Variants in LPIN1 observed in about 807,000 individuals in gnomAD.
The protein encoded by LPIN1 is lipin 1, also known as phosphatidate phosphatase LPIN1.
A neutral mutation model predicts 107.5 loss-of-function variants in LPIN1; 71 were observed. That is an observed-to-expected ratio of 0.66 (90% confidence interval 0.55 to 0.80). LPIN1 has a LOEUF of 0.80. Among genes scored for constraint, LPIN1 ranks in the 30% least tolerant of loss-of-function variants. The pLI is 0.00. For synonymous variants in LPIN1, 445 were observed against 452.6 expected, an observed-to-expected ratio of 0.98 and a Z score of 0.21; for missense variants, 1,043 against 1,160.6, an observed-to-expected ratio of 0.90 and a Z score of 1.47.
chr2:11,713,876 T>C, intron 2 of LPIN1: 1 of 1,163,124 alleles, frequency 8.6e-7, no homozygotes, highest in South Asian at 1.3e-5. Flanking sequence ...GAGAAAATAC[T>C]CCATGTCCAG....
In LPIN1 at chr2:11,819,668, C is replaced by A. The variant is rs1573026282; in HGVS notation, c.2517+70C>A. The A allele has an allele frequency of 5.3e-6, 6 of 1,138,784 alleles. 1 individual carries two copies. The highest frequency in any genetic ancestry group is 2.3e-5 in the East Asian group (1 of 42,668). The allele number at this position is 1,138,784 out of a possible 1,614,324, so 70.5% of individuals were successfully genotyped here. ...TTTTCTGGTTGCTGTCATCTGAAAG[C>A]CCTATCCGAGAACCATATGTAGAGT... is the stretch of plus-strand genomic sequence containing the variant. On this transcript the variant is annotated intron_variant, in intron 19 of 20. Coordinates refer to ENST00000674199, the MANE Select transcript of LPIN1 (RefSeq NM_001349206.2).
At chr2:11,785,464 C>G (rs1173087615) in intron 10 of LPIN1, among the ~76,000 whole-genome samples, 1 of 152,158 alleles carries the variant, frequency 6.6e-6, no homozygotes, top group Non-Finnish European at 1.5e-5. Flanking sequence ...GGAACTTTTC[C>G]CAGCTGGATT....
At chr2:11,692,725 A>G (rs1385310832) in intron 1 of LPIN1, among the ~76,000 whole-genome samples, 1 of 152,220 alleles carries the variant, frequency 6.6e-6, no homozygotes, top group Non-Finnish European at 1.5e-5. Context: ...GGAGAAAACC[A>G]TAGGACAAAA....
At chr2:11,813,036 C>T (rs866361860) in intron 17 of LPIN1, among the ~76,000 whole-genome samples, 1 of 152,106 alleles carries the variant, frequency 6.6e-6, no homozygotes, top group Non-Finnish European at 1.5e-5. Context: ...TTGCTACTTG[C>T]AGTGCCACTT....
chr2:11,721,107 G>T (rs770865671), upstream of LPIN1, among the ~76,000 whole-genome samples: 2 of 152,124 alleles, frequency 1.3e-5, no homozygotes. Flanking sequence ...CCCCAGGGGA[G>T]GGAGAGGAGA....
At chr2:11,784,637 GCTT>G (rs1674177855) in intron 9 of LPIN1, 2 of 574,354 alleles carry the variant, frequency 3.5e-6, no homozygotes, top group Non-Finnish European at 3.1e-6. Flanking sequence ...AGGACAGCTT[GCTT>G]CTTCTTCAGT....
At chr2:11,683,354 G>C (rs1017952326) in intron 1 of LPIN1, 16 of 152,220 alleles carry the variant, frequency 1.1e-4, no homozygotes, top group African/African-American at 3.9e-4. Flanking sequence ...TTTGTCTTCT[G>C]ATATTTAAAC....
At chr2:11,815,431 G>A (rs866302302) in intron 18 of LPIN1, among the ~76,000 whole-genome samples, 191 bp downstream of exon 18, 1 of 152,140 alleles carries the variant, frequency 6.6e-6, no homozygotes, top group South Asian at 2.1e-4. Flanking sequence ...CTTTCAGGCC[G>A]AGTCCAGACT....
chr2:11,812,908 G>A (rs1679925586), intron 17 of LPIN1, among the ~76,000 whole-genome samples: 1 of 151,776 alleles, frequency 6.6e-6, no homozygotes, highest in Non-Finnish European at 1.5e-5. Flanking sequence ...AGCACTGGGT[G>A]GTGCCGAGGG....
chr2:11,732,002 A>G (rs555937367), intron 1 of LPIN1, among the ~76,000 whole-genome samples: 3 of 152,266 alleles, frequency 2.0e-5, no homozygotes, highest in Admixed American at 2.0e-4. Flanking sequence ...TAGATTGCAA[A>G]AATTTTCTCC....
At chr2:11,821,590 A>C (rs1681538155) in intron 20 of LPIN1, among the ~76,000 whole-genome samples, 1 of 152,138 alleles carries the variant, frequency 6.6e-6, no homozygotes. Flanking sequence ...GAGGAGTTAG[A>C]CTGGGGGAGT....
intron 7 of LPIN1, among the ~76,000 whole-genome samples, chr2:11,779,894 T>TC (rs1423667973): frequency 6.7e-6 from 1 of 149,166 alleles, no homozygotes; most frequent in Non-Finnish European, 1.5e-5. Context: ...TTTTTTTTTT[T>TC]TCTTGAGACA....
chr2:11,773,634 A>G lies in LPIN1; in HGVS notation c.611A>G (p.Asp204Gly), dbSNP rs770545834. The G allele has an allele frequency of 1.2e-6, 2 of 1,610,178 alleles. No individual in the cohort carries two copies. The highest frequency in any genetic ancestry group is 2.2e-5 in the East Asian group (1 of 44,844). The change falls in exon 5 of 21, where the codon GAT (aspartate) becomes GGT (glycine). Residue 204 changes from aspartate (D) to glycine (G), a missense_variant. By Grantham distance (94) the Asp-to-Gly change is moderately conservative. Transcript: ENST00000674199. Reference sequence around the variant, plus strand: ...TTTTCCTCCAGAACTCTTCCTAATGATATACCTCCATTCCAAGATGATATT... The same window carrying G: ...TTTTCCTCCAGAACTCTTCCTAATGGTATACCTCCATTCCAAGATGATATT... ...LLESSRTLPN[D>G]IPPFQDDIPE...
At chr2:11,800,393 T>C (rs1011055074) in intron 14 of LPIN1, among the ~76,000 whole-genome samples, 3 of 152,110 alleles carry the variant, frequency 2.0e-5, no homozygotes, top group African/African-American at 4.8e-5. Flanking sequence ...TTGGGCAGTA[T>C]TGGGTTGTAG....
At chr2:11,782,636 G>A (rs1673775773) in intron 8 of LPIN1, 129 bp downstream of exon 8, 1 of 1,040,532 alleles carries the variant, frequency 9.6e-7, no homozygotes. Context: ...ATCATGTTCA[G>A]TCTGAGCTCT....
At chr2:11,790,015 C>T (rs982988925) in intron 12 of LPIN1, among the ~76,000 whole-genome samples, 8 of 152,134 alleles carry the variant, frequency 5.3e-5, no homozygotes, top group Non-Finnish European at 8.8e-5. Flanking sequence ...GGCCCTGCTT[C>T]CCCATTTCCA....
intron 8 of LPIN1, 50 bp from the exon 9 acceptor site, chr2:11,783,779 G>C (rs771031484): frequency 5.6e-5 from 81 of 1,443,150 alleles, no homozygotes; most frequent in Non-Finnish European, 7.6e-5. Flanking sequence ...AAGGCCATGA[G>C]CTCATTTCTA....
chr2:11,794,559 G>C (rs1439493347), intron 13 of LPIN1, among the ~76,000 whole-genome samples: 6 of 152,182 alleles, frequency 3.9e-5, no homozygotes, highest in Admixed American at 3.9e-4. Context: ...CATATGTTAA[G>C]ACAGTCAGCC....
intron 1 of LPIN1, among the ~76,000 whole-genome samples, chr2:11,732,926 T>C (rs1324255589): frequency 6.6e-6 from 1 of 151,914 alleles, no homozygotes; most frequent in Non-Finnish European, 1.5e-5. Flanking sequence ...TGTGTGTGTG[T>C]GTGTGTGTTT....
Sources: gnomAD v4.1 joint callset for allele counts (sites outside exome capture counted in the v4.1 genomes callset) on GRCh38, gnomAD v4.1.1 for gene constraint, MANE v1.5 for transcripts, NCBI Gene and HGNC (gene_info 2026-07-23, HGNC 2026-07-21) for gene names.